The following ST6GAL2 variants were observed in gnomAD, a reference collection of about 807,000 sequenced individuals.
ST6GAL2 encodes the protein ST6 beta-galactoside alpha-2,6-sialyltransferase 2.
In ST6GAL2, 24 loss-of-function variants were observed where a neutral mutation model predicts 37.5. That is an observed-to-expected ratio of 0.64 (90% confidence interval 0.46 to 0.90). ST6GAL2 has a LOEUF of 0.90. ST6GAL2 is among the 40% of genes least tolerant of loss of function. The pLI, the probability that ST6GAL2 is intolerant of heterozygous loss-of-function variation, is 0.00. For missense variants in ST6GAL2, 715 were observed against 712.7 expected, an observed-to-expected ratio of 1.00 and a Z score of -0.04; for synonymous variants, 306 against 295.1, an observed-to-expected ratio of 1.04 and a Z score of -0.38.
chr2:106,855,896 G>A (rs1677555001), intron 1 of ST6GAL2, among the ~76,000 whole-genome samples: 1 of 152,128 alleles, frequency 6.6e-6, no homozygotes, highest in African/African-American at 2.4e-5. Flanking sequence ...TTTAGTTAAA[G>A]CTTTCTTCTG....
At chr2:106,873,589 T>TAATTATTTA (rs1330716868) in intron 1 of ST6GAL2, among the ~76,000 whole-genome samples, 1 of 152,238 alleles carries the variant, frequency 6.6e-6, no homozygotes, top group East Asian at 1.9e-4. Flanking sequence ...ATATATTTAC[T>TAATTATTTA]AATTATTTAC....
intron 1 of ST6GAL2, among the ~76,000 whole-genome samples, chr2:106,862,130 C>T (rs1225803022): frequency 2.0e-5 from 3 of 152,222 alleles, no homozygotes; most frequent in South Asian, 4.1e-4. Context: ...CATGAAATTA[C>T]GAGTGATCAT....
At position 106,843,719 on chromosome 2, in the gene ST6GAL2, C is replaced by T; in HGVS notation, c.259G>A (p.Gly87Ser). The T allele has an allele frequency of 6.2e-7, 1 of 1,612,952 alleles. No homozygotes were observed. Among genetic ancestry groups the T allele is most frequent in the South Asian group, 1.1e-5 (1 of 91,072 alleles). Residue 87 changes from glycine to serine, a missense_variant, in exon 2 of 6, where the codon GGT becomes AGT. By Grantham distance (56) the Gly-to-Ser change is moderately conservative (BLOSUM62 0). Coordinates refer to ENST00000409382, the MANE Select transcript of ST6GAL2 (RefSeq NM_001142351.2). Reference sequence around the variant, plus strand: ...TCTCCAGGCCCCGCATGAAAGGAACCGGCTGGGTGGGCGCGGGGCAGCGCC... The same window carrying T: ...TCTCCAGGCCCCGCATGAAAGGAACTGGCTGGGTGGGCGCGGGGCAGCGCC... ...RQALPRAHPA[G>S]SFHAGPGDLQ...
At chr2:106,842,299 C>T (rs1333544343) in intron 2 of ST6GAL2, among the ~76,000 whole-genome samples, 1 of 152,190 alleles carries the variant, frequency 6.6e-6, no homozygotes. Context: ...ACATGTGCTC[C>T]AGGGCTCTTG....
intron 5 of ST6GAL2, 79 bp from the exon 6 acceptor site, chr2:106,807,028 G>T: frequency 8.1e-7 from 1 of 1,237,360 alleles, no homozygotes; most frequent in Non-Finnish European, 1.1e-6. Context: ...AGGGGTGGTG[G>T]TGATGGGATA....
At chr2:106,812,690 A>G (rs1489980922) in intron 5 of ST6GAL2, among the ~76,000 whole-genome samples, 2 of 152,198 alleles carry the variant, frequency 1.3e-5, no homozygotes, top group African/African-American at 4.8e-5. Context: ...TATATGCACA[A>G]ATTCAAAGTA....
chr2:106,811,500 T>A (rs1281569463), intron 5 of ST6GAL2, among the ~76,000 whole-genome samples: 2 of 152,166 alleles, frequency 1.3e-5, no homozygotes, highest in East Asian at 3.9e-4. Flanking sequence ...GTACTAATCA[T>A]TGGCAATTTA....
intron 1 of ST6GAL2, among the ~76,000 whole-genome samples, chr2:106,850,166 T>G (rs980351373): frequency 6.6e-6 from 1 of 152,200 alleles, no homozygotes; most frequent in Non-Finnish European, 1.5e-5. Context: ...CTACCCTTGT[T>G]TGTCATGGGG....
At chr2:106,828,135 A>T (rs1026322026) in intron 5 of ST6GAL2, among the ~76,000 whole-genome samples, 1 of 152,178 alleles carries the variant, frequency 6.6e-6, no homozygotes, top group Non-Finnish European at 1.5e-5. Context: ...ACTTTTTTTC[A>T]GTTATGACTA....
intron 5 of ST6GAL2, among the ~76,000 whole-genome samples, chr2:106,810,288 T>G (rs987588531): frequency 6.6e-6 from 1 of 152,234 alleles, no homozygotes; most frequent in African/African-American, 2.4e-5. Flanking sequence ...AGTATTTTCT[T>G]ATATAAGTAC....
rs764747941 is a variant in ST6GAL2 at position 106,843,068 on chromosome 2, C to A, written c.910G>T (p.Ala304Ser). The change falls in exon 2 of 6, where the codon GCA becomes TCA. Residue 304 changes from alanine (A) to serine (S), a missense_variant. Ala to Ser is a moderately conservative substitution (Grantham distance 99). This residue lies in a region of ST6GAL2 where 512 missense variants were observed against 488.8 expected (regional missense o/e 1.05). Transcript: ENST00000409382. The stretch of plus-strand genomic sequence containing the variant: ...TCGCCCAAGGAAGAGTTGAGGATTG[C>A]GCCTGCAGACATGACGACAGCGCAG... ...RSCAVVMSAG[A>S]ILNSSLGEEI... 2 of 1,482,850 alleles carry A rather than the reference C, an allele frequency of 1.3e-6. No homozygotes were observed. The highest frequency in any genetic ancestry group is 1.4e-5 in the South Asian group (1 of 70,738). 91.9% of individuals were successfully genotyped at this position (1,482,850 alleles called of 1,614,324 possible).
At chr2:106,817,452 T>G (rs1190312479) in intron 5 of ST6GAL2, among the ~76,000 whole-genome samples, 1 of 152,168 alleles carries the variant, frequency 6.6e-6, no homozygotes, top group African/African-American at 2.4e-5. Flanking sequence ...TGGCTGACAT[T>G]TCTAGACACA....
intron 2 of ST6GAL2, among the ~76,000 whole-genome samples, chr2:106,842,717 G>A (rs1057252695): frequency 1.3e-5 from 2 of 152,112 alleles, no homozygotes; most frequent in Admixed American, 1.3e-4. Context: ...TGAGAAGGAC[G>A]CCGGGGGCAA....
intron 1 of ST6GAL2, among the ~76,000 whole-genome samples, chr2:106,868,553 A>G (rs1315465841): frequency 6.6e-6 from 1 of 152,246 alleles, no homozygotes; most frequent in Non-Finnish European, 1.5e-5. Flanking sequence ...ACAAGTCCCA[A>G]AGCAAAGATC....
chr2:106,860,553 A>C (rs532347113), intron 1 of ST6GAL2, among the ~76,000 whole-genome samples: 114 of 152,258 alleles, frequency 7.5e-4, no homozygotes, highest in Non-Finnish European at 1.8e-4. Context: ...GGCAGCTGAG[A>C]GCTGTACACC....
intron 2 of ST6GAL2, among the ~76,000 whole-genome samples, chr2:106,837,200 T>G (rs1450646847): frequency 6.6e-6 from 1 of 152,182 alleles, no homozygotes; most frequent in African/African-American, 2.4e-5. Flanking sequence ...ATGAAAAAAG[T>G]GGCTAGTTCG....
intron 3 of ST6GAL2, among the ~76,000 whole-genome samples, chr2:106,833,621 T>C (rs1676514522): frequency 1.3e-5 from 2 of 152,206 alleles, no homozygotes; most frequent in South Asian, 4.1e-4. Context: ...TTCCTTTCCA[T>C]TTTTTCAAAT....
At chr2:106,873,930 T>C (rs1385252562) in intron 1 of ST6GAL2, among the ~76,000 whole-genome samples, 3 of 152,206 alleles carry the variant, frequency 2.0e-5, no homozygotes, top group Non-Finnish European at 2.9e-5. Context: ...TTCATGGAGA[T>C]TCAACTTGAA....
intron 1 of ST6GAL2, among the ~76,000 whole-genome samples, chr2:106,884,693 A>G (rs1285830507): frequency 1.3e-5 from 2 of 152,008 alleles, no homozygotes; most frequent in East Asian, 1.9e-4. Flanking sequence ...TTCACCTATT[A>G]TTTTAGACTT....
Sources: allele counts gnomAD v4.1 joint callset (sites outside exome capture counted in the v4.1 genomes callset), GRCh38; gene constraint gnomAD v4.1.1; regional missense constraint gnomAD v4.1.1; transcripts MANE v1.5; gene names NCBI Gene and HGNC (gene_info 2026-07-23, HGNC 2026-07-21).